Variants in CACNA1G observed in about 807,000 individuals in gnomAD.
CACNA1G encodes the protein voltage-dependent T-type calcium channel subunit alpha-1G.
CACNA1G carries 67 observed loss-of-function variants against 219.4 expected under a neutral mutation model. That is an observed-to-expected ratio of 0.31 (90% CI 0.25 to 0.37). The LOEUF (loss-of-function observed/expected upper bound fraction) is 0.37. Among genes scored for constraint, CACNA1G ranks in the 10% least tolerant of loss-of-function variants. The pLI is 1.00. For synonymous variants in CACNA1G, 1,296 were observed against 1,345.3 expected, an observed-to-expected ratio of 0.96 and a Z score of 0.80; for missense variants, 2,380 against 3,231.4, an observed-to-expected ratio of 0.74 and a Z score of 6.39.
intron 9 of CACNA1G, among the ~76,000 whole-genome samples, chr17:50,583,259 TGACTGGCCCCA>T (rs1224514825): frequency 2.0e-5 from 3 of 152,118 alleles, no homozygotes; most frequent in African/African-American, 7.2e-5. Flanking sequence ...CCTTTGCAGC[TGACTGGCCCCA>T]GACATTCAAA....
chr17:50,600,601 G>A lies in CACNA1G; in HGVS notation c.3691-125G>A, dbSNP rs530773742. On this transcript the variant is annotated intron_variant, in intron 17 of 37. Coordinates refer to ENST00000359106, the MANE Select transcript of CACNA1G (RefSeq NM_018896.5). The surrounding 1 kb of genome is among the most constrained non-coding windows in gnomAD (Gnocchi z 4.1). ...TTTAGGAATAAAGGAAGAGAGGCAGGGCAGAGCTTGGGCCCCAGGTGGGAG... is the reference window on the plus strand; with the variant it reads ...TTTAGGAATAAAGGAAGAGAGGCAGAGCAGAGCTTGGGCCCCAGGTGGGAG... 1.7e-5 allele frequency: 13 copies of A among 758,340 alleles called. No individual in the cohort carries two copies. The East Asian group carries it at 3.1e-4, about 18-fold the overall frequency. The allele number at this position is 758,340 out of a possible 1,614,324, so 47.0% of individuals were successfully genotyped here.
At chr17:50,605,727 T>C (rs1485525132) in intron 22 of CACNA1G, among the ~76,000 whole-genome samples, 171 bp from the exon 23 acceptor site, 2 of 152,046 alleles carry the variant, frequency 1.3e-5, no homozygotes, top group African/African-American at 4.8e-5. Flanking sequence ...AGGAAGGGGG[T>C]GTCGGCAGGG....
At chr17:50,608,096 CA>C (rs1181018037) in intron 25 of CACNA1G, 77 bp downstream of exon 25, 23 of 1,380,796 alleles carry the variant, frequency 1.7e-5, no homozygotes, top group Non-Finnish European at 2.3e-5. Flanking sequence ...CTTGCGACTG[CA>C]GGGGGCTGGG....
At chr17:50,609,990 C>T in intron 26 of CACNA1G, 55 bp downstream of exon 26, 2 of 1,523,842 alleles carry the variant, frequency 1.3e-6, no homozygotes, top group Non-Finnish European at 1.8e-6. Flanking sequence ...TTCACTCCCT[C>T]CCCGTGGCTC....
chr17:50,565,343 G>T (rs1221109115), intron 1 of CACNA1G, among the ~76,000 whole-genome samples: 1 of 149,786 alleles, frequency 6.7e-6, no homozygotes, highest in East Asian at 2.1e-4. Context: ...GCACTGAAGC[G>T]TGGTGAGGGG....
chr17:50,564,623 T>TG, intron 1 of CACNA1G, among the ~76,000 whole-genome samples: 1 of 151,222 alleles, frequency 6.6e-6, no homozygotes, highest in Middle Eastern at 3.4e-3. Flanking sequence ...TCTAGAGGGG[T>TG]GGGGGCACAG....
chr17:50,604,797 C>T (rs2047591496), intron 22 of CACNA1G, among the ~76,000 whole-genome samples: 1 of 152,220 alleles, frequency 6.6e-6, no homozygotes, highest in African/African-American at 2.4e-5. Context: ...AGAGCCAGAG[C>T]TGCCTGCAGG....
chr17:50,593,404 G>T (rs1458581061), intron 13 of CACNA1G, among the ~76,000 whole-genome samples: 2 of 152,222 alleles, frequency 1.3e-5, no homozygotes, highest in Admixed American at 6.5e-5. Flanking sequence ...GGAAAACACC[G>T]CGGGCCTATT....
chr17:50,600,653 ACT>A lies in CACNA1G; in HGVS notation c.3691-70_3691-69del. ...GGGTAGACAAGGAGTGAGGCTCGTG[ACT>A]CTGCTGAGGAGCCAGGAGCCGGGGA... is the stretch of plus-strand genomic sequence containing the variant. On this transcript the variant is annotated intron_variant, in intron 17 of 37. Coordinates refer to ENST00000359106, the MANE Select transcript of CACNA1G (RefSeq NM_018896.5). This position sits in a 1 kb window ranked among gnomAD's most constrained non-coding sequence, Gnocchi z 4.1. 1 of 1,277,328 alleles carries A rather than the reference ACT, an allele frequency of 7.8e-7. No individual in the cohort carries two copies. Among genetic ancestry groups the A allele is most frequent in the Admixed American group, 1.7e-5 (1 of 58,020 alleles). 79.1% of individuals were successfully genotyped at this position (1,277,328 alleles called of 1,614,324 possible).
Position 50,596,689 on chromosome 17 carries a change from C to A in CACNA1G, c.3065-41C>A. 1 of 1,613,148 alleles carries A rather than the reference C, an allele frequency of 6.2e-7. No individual in the cohort carries two copies. Among genetic ancestry groups the A allele is most frequent in the African/African-American group, 1.3e-5 (1 of 75,008 alleles). ...GGTGCGACTTTTGGCCCTGGGCCAG[C>A]CCTGTGTGGACTCGGGATCTCTCCC... On this transcript the variant is annotated intron_variant, in intron 15 of 37. Transcript: ENST00000359106. This position sits in a 1 kb window ranked among gnomAD's most constrained non-coding sequence, Gnocchi z 4.8.
chr17:50,571,894 C>T lies in CACNA1G; in HGVS notation c.603C>T (p.Val201=). The T allele has an allele frequency of 6.2e-7, 1 of 1,613,850 alleles. No individual in the cohort carries two copies. Among genetic ancestry groups the T allele is most frequent in the Non-Finnish European group, 8.5e-7 (1 of 1,179,838 alleles). ...INRVPSMRIL[V]TLLLDTLPML... ...CCCCCACAGGCATGCGCATCCTTGT[C>T]ACGTTGCTGCTGGATACGCTGCCCA... The change falls in exon 5 of 38, where the codon GTC becomes GTT. Residue 201 remains valine (V), a synonymous_variant. Coordinates refer to ENST00000359106, the MANE Select transcript of CACNA1G (RefSeq NM_018896.5). This position sits in a 1 kb window ranked among gnomAD's most constrained non-coding sequence, Gnocchi z 4.3.
chr17:50,601,307 T>C, intron 19 of CACNA1G, 133 bp downstream of exon 19: 1 of 1,109,926 alleles, frequency 9.0e-7, no homozygotes. Context: ...GGACTCTCCT[T>C]TAGGTCTCTC....
In CACNA1G at chr17:50,624,483, C is replaced by T. The variant is rs767448566; in HGVS notation, c.6353C>T (p.Pro2118Leu). ...ACCTGGGGCACCATCCCCAAACTGC[C>T]CCCACCAGGACGCTCCCCTTTGGCT... ...APTWGTIPKL[P>L]PPGRSPLAQR... is the part of the protein sequence containing the mutation. Residue 2118 changes from proline (P) to leucine (L), a missense_variant, in exon 37 of 38, where the codon CCC becomes CTC. Around this residue, in one of 17 missense-constraint regions of CACNA1G, gnomAD observed 672 missense variants for 670.5 expected, o/e 1.00. Transcript: ENST00000359106. 6.2e-6 allele frequency: 10 copies of T among 1,600,846 alleles called. No homozygotes were observed. The East Asian group carries it at 1.8e-4, about 29-fold the overall frequency.
At position 50,627,397 on chromosome 17, in the gene CACNA1G, C is replaced by A. The variant is rs1232792253; in HGVS notation, c.*646C>A. 2 of 378,082 alleles carry A rather than the reference C, an allele frequency of 5.3e-6. No homozygotes were observed. Among genetic ancestry groups the A allele is most frequent in the African/African-American group, 4.3e-5 (2 of 46,714 alleles). 23.4% of individuals were successfully genotyped at this position (378,082 alleles called of 1,614,324 possible). A position where few individuals can be genotyped will look rare whatever the true frequency, so the allele number is the denominator to read the frequency against. On this transcript the variant is annotated 3_prime_UTR_variant, in exon 38 of 38. Coordinates refer to ENST00000359106, the MANE Select transcript of CACNA1G (RefSeq NM_018896.5). The stretch of plus-strand genomic sequence containing the variant: ...TGAGATTTTACAAGTGAAATGGAAC[C>A]TTTTTATATATACATACATACATAT...
chr17:50,572,533 G>A, intron 5 of CACNA1G, 21 bp from the exon 6 acceptor site: 2 of 1,513,536 alleles, frequency 1.3e-6, no homozygotes, highest in South Asian at 2.7e-5. Flanking sequence ...TCTCACCCCT[G>A]TTCCCCTTCC....
At chr17:50,587,602 C>T (rs1412586651) in intron 9 of CACNA1G, among the ~76,000 whole-genome samples, 2 of 152,178 alleles carry the variant, frequency 1.3e-5, no homozygotes, top group African/African-American at 4.8e-5. Flanking sequence ...ATACCGGGGC[C>T]CTGGAGAAGA....
chr17:50,617,326 G>A lies in CACNA1G; in HGVS notation c.5022-112G>A, dbSNP rs2050805694. ...CCTCTTCTCTGTGGGATGGGAGGCTGGACCCGCTGATGTCTGCCCTCCTTT... is the reference window on the plus strand; with the variant it reads ...CCTCTTCTCTGTGGGATGGGAGGCTAGACCCGCTGATGTCTGCCCTCCTTT... On this transcript the variant is annotated intron_variant, in intron 28 of 37. Coordinates refer to ENST00000359106, the MANE Select transcript of CACNA1G (RefSeq NM_018896.5). The surrounding 1 kb of genome is among the most constrained non-coding windows in gnomAD (Gnocchi z 5.8). 1.2e-5 allele frequency: 14 copies of A among 1,210,594 alleles called. No individual in the cohort carries two copies. The South Asian group carries it at 1.7e-4, about 15-fold the overall frequency. The allele number at this position is 1,210,594 out of a possible 1,614,324, so 75.0% of individuals were successfully genotyped here. A position where few individuals can be genotyped will look rare whatever the true frequency, so the allele number is the denominator to read the frequency against.
intron 35 of CACNA1G, among the ~76,000 whole-genome samples, chr17:50,623,101 T>C (rs926496226): frequency 7.0e-6 from 1 of 142,482 alleles, no homozygotes; most frequent in African/African-American, 2.6e-5. Flanking sequence ...CTTTTTTTTT[T>C]TTTTTTTTTT....
rs1347169181 is a variant in CACNA1G, at chr17:50,571,814, G to A, written c.587-64G>A. On this transcript the variant is annotated intron_variant, in intron 4 of 37. Coordinates refer to ENST00000359106, the MANE Select transcript of CACNA1G (RefSeq NM_018896.5). The surrounding 1 kb of genome is among the most constrained non-coding windows in gnomAD (Gnocchi z 4.3). ...GTGGGGCCCCTCCGGGAGTGCTGCC[G>A]GGCCGTGGCAGTCAGCCTAGCCCGG... 6 of 1,573,588 alleles carry A rather than the reference G, an allele frequency of 3.8e-6. No individual in the cohort carries two copies. The highest frequency in any genetic ancestry group is 1.7e-5 in the Admixed American group (1 of 59,656).
Sources: gnomAD v4.1 joint callset for allele counts (sites outside exome capture counted in the v4.1 genomes callset) on GRCh38, gnomAD v4.1.1 for gene constraint, gnomAD v4.1.1 regional missense constraint, Gnocchi (gnomAD v3.1) non-coding constraint, MANE v1.5 for transcripts, NCBI Gene and HGNC (gene_info 2026-07-23, HGNC 2026-07-21) for gene names.